Variants in DAP3 observed in about 807,000 individuals in gnomAD.
DAP3 encodes death associated protein 3.
DAP3 carries 28 observed loss-of-function variants against 51.9 expected under a neutral mutation model. The observed-to-expected ratio is 0.54, with a 90% CI of 0.40 to 0.74. The LOEUF (loss-of-function observed/expected upper bound fraction) is 0.74, where lower values mean the gene tolerates loss of function less well. Ranked by LOEUF, DAP3 falls within the 30% of genes least tolerant of loss-of-function variation. DAP3 has a pLI of 0.00. For missense variants in DAP3, 458 were observed against 483.5 expected (o/e 0.95, Z 0.49); for synonymous variants, 170 against 170.3 (o/e 1.00, Z 0.01).
intron 1 of DAP3, among the ~76,000 whole-genome samples, chr1:155,708,864 C>G (rs1373927384): frequency 1.3e-5 from 2 of 152,016 alleles, no homozygotes; most frequent in Admixed American, 1.3e-4. Flanking sequence ...ACCACCACAC[C>G]TAGCTATTTT....
At chr1:155,688,108 T>C (rs753240170), upstream of DAP3, 4 of 1,609,246 alleles carry the variant, frequency 2.5e-6, no homozygotes, top group South Asian at 3.3e-5. Flanking sequence ...TACAGGGAAG[T>C]GAGGAAGAGG....
chr1:155,688,428 T>C (rs1466743439), upstream of DAP3: 3 of 1,546,530 alleles, frequency 1.9e-6, no homozygotes, highest in African/African-American at 4.1e-5. Context: ...CCTCGCGTTC[T>C]TCCCCACGGT....
intron 1 of DAP3, chr1:155,689,606 G>A (rs1653394462): frequency 2.7e-6 from 1 of 363,650 alleles, no homozygotes. Flanking sequence ...ATGCCTCCAG[G>A]GTTGGTGTGT....
chr1:155,731,289 A>C lies in DAP3; in HGVS notation c.844-67A>C. ...CAAAAAAAAAAAAAAATTGTTGTCAATTGTTTCGGGAGAACATCTAGGAAA... is the reference window on the plus strand; with the variant it reads ...CAAAAAAAAAAAAAAATTGTTGTCACTTGTTTCGGGAGAACATCTAGGAAA... On this transcript the variant is annotated intron_variant, in intron 9 of 12. Coordinates refer to ENST00000368336, the MANE Select transcript of DAP3 (RefSeq NM_004632.4). The C allele has an allele frequency of 5.3e-6, 8 of 1,517,750 alleles. No individual in the cohort carries two copies. In the South Asian group the frequency reaches 9.4e-5, roughly 18 times the overall value. The allele number at this position is 1,517,750 out of a possible 1,614,324, so 94.0% of individuals were successfully genotyped here.
At chr1:155,736,365 C>T (rs895216473) in intron 11 of DAP3, among the ~76,000 whole-genome samples, 1 of 151,966 alleles carries the variant, frequency 6.6e-6, no homozygotes, top group African/African-American at 2.4e-5. Flanking sequence ...TGTGTGTGTG[C>T]GTGTGTATGT....
At chr1:155,705,051 AGAGGCT>A (rs1446805184) in intron 1 of DAP3, among the ~76,000 whole-genome samples, 12 of 151,782 alleles carry the variant, frequency 7.9e-5, no homozygotes. Context: ...CAGCACTTCG[AGAGGCT>A]GAGGTGGGAG....
intron 1 of DAP3, among the ~76,000 whole-genome samples, chr1:155,706,443 A>T (rs998642319): frequency 2.0e-5 from 3 of 152,144 alleles, no homozygotes; most frequent in African/African-American, 7.2e-5. Context: ...TTGCAACTCT[A>T]TGGTTGTTAT....
Position 155,720,455 on chromosome 1 carries a change from T to C in DAP3, c.169-1062T>C, listed in dbSNP as rs1657861297. 3.5e-5 allele frequency among the ~76,000 whole-genome samples: 5 copies of C among 144,480 alleles called. No homozygotes were observed. The Admixed American group carries it at 3.5e-4, about 10-fold the overall frequency. The allele number at this position is 144,480 out of a possible 152,430, so 94.8% of individuals were successfully genotyped here. A position where few individuals can be genotyped will look rare whatever the true frequency, so the allele number is the denominator to read the frequency against. On this transcript the variant is annotated intron_variant, in intron 3 of 12. Transcript: ENST00000368336. ...GTCGGGAGTTCAAGACCAGCCTGTC[T>C]CTACTAAACATGGAGAAACCCTGTC...
chr1:155,699,695 C>T (rs1363889796), intron 1 of DAP3, among the ~76,000 whole-genome samples: 2 of 152,042 alleles, frequency 1.3e-5, no homozygotes, highest in Non-Finnish European at 2.9e-5. Context: ...CTCACTGCAG[C>T]CTCAAGCTCC....
At chr1:155,700,948 A>T (rs1400617148) in intron 1 of DAP3, among the ~76,000 whole-genome samples, 2 of 40,276 alleles carry the variant, frequency 5.0e-5, no homozygotes, top group Non-Finnish European at 4.2e-5. Flanking sequence ...GGCCGCCCCT[A>T]CTGGGAAGTG....
intron 1 of DAP3, among the ~76,000 whole-genome samples, chr1:155,695,965 T>G (rs1251076101): frequency 1.3e-5 from 2 of 152,230 alleles, no homozygotes; most frequent in Non-Finnish European, 2.9e-5. Context: ...TATCAATACA[T>G]TCAATAAATT....
Position 155,738,399 on chromosome 1 carries a change from G to A in DAP3, c.*157G>A. 1.7e-6 allele frequency: 1 copy of A among 598,578 alleles called. No individual in the cohort carries two copies. Among genetic ancestry groups the A allele is most frequent in the Non-Finnish European group, 2.8e-6 (1 of 356,658 alleles). The allele number at this position is 598,578 out of a possible 1,614,324, so 37.1% of individuals were successfully genotyped here. A position where few individuals can be genotyped will look rare whatever the true frequency, so the allele number is the denominator to read the frequency against. On this transcript the variant is annotated 3_prime_UTR_variant, in exon 13 of 13. Coordinates refer to ENST00000368336, the MANE Select transcript of DAP3 (RefSeq NM_004632.4). The stretch of plus-strand genomic sequence containing the variant: ...TTGGCTCTGGACCTGCATTAAAATG[G>A]GTTTCACTGTGAATGCGTGACAATA...
chr1:155,689,791 A>G (rs958977777), intron 1 of DAP3, among the ~76,000 whole-genome samples: 1 of 152,160 alleles, frequency 6.6e-6, no homozygotes, highest in African/African-American at 2.4e-5. Flanking sequence ...GGGCGCCTGT[A>G]GCCCCAGCTA....
upstream of DAP3, chr1:155,688,563 T>G (rs2149089769): frequency 2.0e-6 from 3 of 1,538,178 alleles, no homozygotes; most frequent in Non-Finnish European, 2.6e-6. Context: ...GAGCCAGCCA[T>G]CCCGTACGCG....
intron 2 of DAP3, among the ~76,000 whole-genome samples, chr1:155,715,616 C>T (rs1657244621): frequency 6.6e-6 from 1 of 152,178 alleles, no homozygotes; most frequent in African/African-American, 2.4e-5. Context: ...AAGCAACTCC[C>T]TTATTACACT....
At chr1:155,720,793 C>T (rs1309122748) in intron 3 of DAP3, among the ~76,000 whole-genome samples, 2 of 151,850 alleles carry the variant, frequency 1.3e-5, no homozygotes, top group African/African-American at 4.8e-5. Context: ...AATCCCAGCA[C>T]TTTGGGAGGT....
At chr1:155,698,546 A>T (rs750904583) in intron 1 of DAP3, among the ~76,000 whole-genome samples, 1 of 152,100 alleles carries the variant, frequency 6.6e-6, no homozygotes, top group Non-Finnish European at 1.5e-5. Flanking sequence ...CAGCCTCATC[A>T]TCTATCTGAA....
At chr1:155,722,318 G>T (rs569633551) in intron 4 of DAP3, among the ~76,000 whole-genome samples, 1 of 152,268 alleles carries the variant, frequency 6.6e-6, no homozygotes, top group Non-Finnish European at 1.5e-5. Flanking sequence ...GAGGTTGGAG[G>T]ATCGCTTGAG....
chr1:155,699,993 G>A (rs774688801), intron 1 of DAP3, among the ~76,000 whole-genome samples: 5 of 152,128 alleles, frequency 3.3e-5, no homozygotes, highest in Non-Finnish European at 5.9e-5. Flanking sequence ...CTGGAGTGCA[G>A]TGGCATGATC....
Sources: allele counts gnomAD v4.1 joint callset (sites outside exome capture counted in the v4.1 genomes callset), GRCh38; gene constraint gnomAD v4.1.1; transcripts MANE v1.5; gene names NCBI Gene and HGNC (gene_info 2026-07-23, HGNC 2026-07-21).